Variants in PTPRD observed in about 807,000 individuals in gnomAD.
PTPRD encodes receptor-type tyrosine-protein phosphatase delta.
In PTPRD, 34 loss-of-function variants were observed where a neutral mutation model predicts 214.5. That is an observed-to-expected ratio of 0.16 (90% CI 0.12 to 0.21). The LOEUF is 0.21. Ranked by LOEUF, PTPRD falls within the 10% of genes least tolerant of loss-of-function variation. PTPRD has a pLI of 1.00. For missense variants in PTPRD, 2,545 were observed against 2,398.7 expected (o/e 1.06, Z -1.27); for synonymous variants, 1,128 against 845.7 (o/e 1.33, Z -5.79).
intron 2 of PTPRD, among the ~76,000 whole-genome samples, chr9:10,608,274 T>C (rs1022694834): frequency 8.6e-5 from 13 of 152,006 alleles, no homozygotes; most frequent in African/African-American, 2.4e-4. Flanking sequence ...CCTTCTGATA[T>C]TGGGTACAGT....
chr9:10,069,251 G>A (rs1408560748), intron 3 of PTPRD, among the ~76,000 whole-genome samples: 4 of 151,952 alleles, frequency 2.6e-5, no homozygotes, highest in African/African-American at 9.7e-5. Context: ...AAGAATCCCA[G>A]AATATAAGAA....
intron 11 of PTPRD, among the ~76,000 whole-genome samples, chr9:8,987,762 G>A (rs559325211): frequency 6.6e-6 from 1 of 152,084 alleles, no homozygotes; most frequent in Admixed American, 6.6e-5. Flanking sequence ...GTGCAACAGA[G>A]AGAAGTTGAA....
intron 10 of PTPRD, among the ~76,000 whole-genome samples, chr9:9,074,096 A>G (rs1000502455): frequency 3.9e-5 from 6 of 152,098 alleles, no homozygotes; most frequent in Admixed American, 2.0e-4. Flanking sequence ...ACAAAAAAAT[A>G]TTATTTAGAG....
intron 10 of PTPRD, among the ~76,000 whole-genome samples, chr9:9,067,672 T>A (rs932789813): frequency 6.6e-6 from 1 of 152,242 alleles, no homozygotes; most frequent in African/African-American, 2.4e-5. Flanking sequence ...GATTTGCATA[T>A]GGTTGTAAGA....
chr9:9,399,224 A>G (rs1350873173), intron 8 of PTPRD, among the ~76,000 whole-genome samples: 4 of 152,054 alleles, frequency 2.6e-5, no homozygotes, highest in Admixed American at 1.3e-4. Context: ...AAACTTTAGC[A>G]TAAGTATTTA....
intron 3 of PTPRD, among the ~76,000 whole-genome samples, chr9:10,272,588 T>C (rs1453456047): frequency 6.6e-6 from 1 of 152,206 alleles, no homozygotes; most frequent in Admixed American, 6.5e-5. Context: ...CTATATATTT[T>C]GTTAAGAGAC....
In PTPRD at chr9:9,058,642, G is replaced by T. The variant is rs544695859; in HGVS notation, c.-142-39907C>A. Reference sequence around the variant, plus strand: ...TTTTTTGTATTTTTAGTAGAGACGGGGTTTCACCGTGTTAGCCAGGATGGT... The same window carrying T: ...TTTTTTGTATTTTTAGTAGAGACGGTGTTTCACCGTGTTAGCCAGGATGGT... On this transcript the variant is annotated intron_variant, in intron 10 of 45. Transcript: ENST00000381196. Among the ~76,000 whole-genome samples, 677 of 151,074 alleles carry T rather than the reference G, an allele frequency of 4.5e-3. 2 individuals are homozygous for T. Among genetic ancestry groups the T allele is most frequent in the Middle Eastern group, 0.021 (6 of 292 alleles).
chr9:10,117,436 A>G (rs1212314789), intron 3 of PTPRD, among the ~76,000 whole-genome samples: 1 of 152,246 alleles, frequency 6.6e-6, no homozygotes, highest in Admixed American at 6.6e-5. Context: ...ATTCTGTCAC[A>G]GTTCTGGAGG....
intron 4 of PTPRD, among the ~76,000 whole-genome samples, chr9:9,959,863 A>G (rs1278149622): frequency 2.0e-5 from 3 of 152,192 alleles, no homozygotes; most frequent in African/African-American, 7.2e-5. Context: ...AGAGTTGTAG[A>G]CATTGGTATG....
chr9:8,729,112 A>T (rs1332130084), intron 12 of PTPRD, among the ~76,000 whole-genome samples: 1 of 152,168 alleles, frequency 6.6e-6, no homozygotes, highest in African/African-American at 2.4e-5. Flanking sequence ...GTGTTTACCT[A>T]CAGTAAATTT....
intron 8 of PTPRD, among the ~76,000 whole-genome samples, chr9:9,407,217 T>A (rs1177727626): frequency 6.6e-6 from 1 of 151,800 alleles, no homozygotes; most frequent in Non-Finnish European, 1.5e-5. Context: ...TCTGGCTTTT[T>A]TGGCTCCATT....
chr9:8,501,410 C>A (rs1013523168), intron 23 of PTPRD, among the ~76,000 whole-genome samples: 2 of 152,100 alleles, frequency 1.3e-5, no homozygotes, highest in African/African-American at 4.8e-5. Flanking sequence ...ATACTGACTA[C>A]CCAGCTTCAA....
intron 7 of PTPRD, among the ~76,000 whole-genome samples, chr9:9,686,292 A>T (rs1054392607): frequency 3.9e-5 from 3 of 77,814 alleles, no homozygotes; most frequent in Non-Finnish European, 8.6e-5. Context: ...TGTATGTATG[A>T]ATTATTTTTT....
At chr9:9,791,889 A>C (rs765104929) in intron 5 of PTPRD, among the ~76,000 whole-genome samples, 2 of 152,268 alleles carry the variant, frequency 1.3e-5, no homozygotes, top group South Asian at 2.1e-4. Context: ...TTATGCTTAG[A>C]AGCTTTATTT....
At chr9:10,236,227 G>A (rs2099628327) in intron 3 of PTPRD, among the ~76,000 whole-genome samples, 1 of 152,016 alleles carries the variant, frequency 6.6e-6, no homozygotes, top group Middle Eastern at 3.4e-3. Flanking sequence ...TTAAGAGACT[G>A]AATTGGCTCA....
intron 6 of PTPRD, among the ~76,000 whole-genome samples, chr9:9,755,909 T>C (rs2098567464): frequency 6.6e-6 from 1 of 152,032 alleles, no homozygotes; most frequent in Non-Finnish European, 1.5e-5. Flanking sequence ...ATTTTATGGT[T>C]TGCTTTTCCA....
chr9:10,129,604 C>T (rs1389563963), intron 3 of PTPRD, among the ~76,000 whole-genome samples: 1 of 149,982 alleles, frequency 6.7e-6, no homozygotes, highest in Non-Finnish European at 1.5e-5. Context: ...CAAATAAATG[C>T]TAGTGACAAC....
intron 12 of PTPRD, among the ~76,000 whole-genome samples, chr9:8,694,031 C>T (rs1389769160): frequency 1.3e-5 from 2 of 152,134 alleles, no homozygotes; most frequent in African/African-American, 4.8e-5. Context: ...CATTAATATT[C>T]AAATGCTTGT....
chr9:9,282,325 G>A (rs936810882), intron 9 of PTPRD, among the ~76,000 whole-genome samples: 6 of 151,208 alleles, frequency 4.0e-5, no homozygotes, highest in Non-Finnish European at 7.4e-5. Flanking sequence ...AGGTGTGCAT[G>A]CAGAGGTTTG....
Sources: allele counts gnomAD v4.1 joint callset (sites outside exome capture counted in the v4.1 genomes callset), GRCh38; gene constraint gnomAD v4.1.1; transcripts MANE v1.5; gene names NCBI Gene and HGNC (gene_info 2026-07-23, HGNC 2026-07-21).